ABCF3: variants seen among roughly 807,000 people sequenced by gnomAD.
ABCF3 encodes the protein ATP binding cassette subfamily F member 3, also known as ATP-binding cassette sub-family F member 3.
A neutral mutation model predicts 94.3 loss-of-function variants in ABCF3; 62 were observed. The observed-to-expected ratio is 0.66, with a 90% CI of 0.54 to 0.81. The LOEUF (loss-of-function observed/expected upper bound fraction) is 0.81. Among genes scored for constraint, ABCF3 ranks in the 40% least tolerant of loss-of-function variants. The pLI is 0.00. For missense variants in ABCF3, 843 were observed against 925.3 expected (o/e 0.91, Z 1.15); for synonymous variants, 355 against 361.1 (o/e 0.98, Z 0.19).
At position 184,189,159 on chromosome 3, in the gene ABCF3, C is replaced by T; in HGVS notation, c.1034+15C>T. 4 of 1,614,144 alleles carry T rather than the reference C, an allele frequency of 2.5e-6. No individual in the cohort carries two copies. Among genetic ancestry groups the T allele is most frequent in the Non-Finnish European group, 3.4e-6 (4 of 1,180,012 alleles). ...CTCTTTGCTAGGTGAGTCTCCTGGG[C>T]CAGTGTATGAAGCCCTATGGAAGAT... On this transcript the variant is annotated intron_variant, in intron 10 of 20. Coordinates refer to ENST00000429586, the MANE Select transcript of ABCF3 (RefSeq NM_018358.3).
intron 5 of ABCF3, 32 bp from the exon 6 acceptor site, chr3:184,187,829 G>C (rs376620065): frequency 6.2e-7 from 1 of 1,613,944 alleles, no homozygotes; most frequent in African/African-American, 1.3e-5. Flanking sequence ...GTGGTGGGGA[G>C]CACTAAGAGC....
At position 184,186,797 on chromosome 3, in the gene ABCF3, G is replaced by C; in HGVS notation, c.223G>C (p.Ala75Pro). Residue 75 changes from alanine to proline, a missense_variant and splice_region_variant, in exon 3 of 21, where the codon GCT becomes CCT. Physicochemically the swap from Ala to Pro is conservative, Grantham distance 27 (BLOSUM62 -1). Transcript: ENST00000429586. ...CQRMYNTLRLAEPQSQGNSQV... is the reference protein window; with the variant it reads ...CQRMYNTLRLPEPQSQGNSQV... ...CGCTTTCTATCCCTACCCACATAGG[G>C]CTGAGCCACAAAGCCAGGGAAATAG... 6.2e-7 allele frequency: 1 copy of C among 1,613,668 alleles called. No individual in the cohort carries two copies. The highest frequency in any genetic ancestry group is 8.5e-7 in the Non-Finnish European group (1 of 1,179,806).
chr3:184,190,022 C>T, intron 14 of ABCF3, 91 bp downstream of exon 14: 1 of 1,359,480 alleles, frequency 7.4e-7, no homozygotes, highest in Admixed American at 1.9e-5. Context: ...CATTCTAGGT[C>T]TCCCCTTCGC....
chr3:184,191,311 GT>G, intron 16 of ABCF3, 56 bp downstream of exon 16: 1 of 1,608,418 alleles, frequency 6.2e-7, no homozygotes, highest in East Asian at 2.2e-5. Flanking sequence ...TAAGTGTGTG[GT>G]GTGGATTGGC....
chr3:184,190,896 T>C (rs1283051810), intron 14 of ABCF3, 103 bp from the exon 15 acceptor site: 1 of 1,318,650 alleles, frequency 7.6e-7, no homozygotes, highest in Non-Finnish European at 1.1e-6. Context: ...ACCTGAGTGG[T>C]AGGAGTACAA....
chr3:184,188,163 G>A lies in ABCF3; in HGVS notation c.592G>A (p.Val198Met), dbSNP rs1393874974. The A allele has an allele frequency of 6.2e-7, 1 of 1,614,034 alleles. No individual in the cohort carries two copies. The highest frequency in any genetic ancestry group is 1.7e-5 in the Admixed American group (1 of 60,030). The change falls in exon 7 of 21, where the codon GTG becomes ATG. Residue 198 changes from valine (V) to methionine (M), a missense_variant. Transcript: ENST00000429586. ...CAGAGTACTGCTGGCTGGAGCGGAT[G>A]TGAACCTGGCATGGGGCCGCCGTTA... ...GDRVLLAGAD[V>M]NLAWGRRYGL...
intron 4 of ABCF3, 45 bp from the exon 5 acceptor site, chr3:184,187,619 C>T (rs1715722352): frequency 6.2e-7 from 1 of 1,609,406 alleles, no homozygotes; most frequent in Admixed American, 1.7e-5. Context: ...GGGTTCCTTT[C>T]TGAGCCTACA....
intron 3 of ABCF3, 36 bp from the exon 4 acceptor site, chr3:184,187,361 C>G (rs1229608642): frequency 2.5e-6 from 4 of 1,613,422 alleles, no homozygotes; most frequent in Non-Finnish European, 3.4e-6. Flanking sequence ...TCCCTTCCCT[C>G]AGGGAGAAGG....
In ABCF3 at chr3:184,186,825, A is replaced by G. The variant is rs1159381162; in HGVS notation, c.251A>G (p.Gln84Arg). The G allele has an allele frequency of 6.2e-7, 1 of 1,613,972 alleles. No homozygotes were observed. Among genetic ancestry groups the G allele is most frequent in the East Asian group, 2.2e-5 (1 of 44,900 alleles). The change falls in exon 3 of 21, where the codon CAG becomes CGG. Residue 84 changes from glutamine to arginine, a missense_variant. Coordinates refer to ENST00000429586, the MANE Select transcript of ABCF3 (RefSeq NM_018358.3). ...GAGCCACAAAGCCAGGGAAATAGCC[A>G]GGTGCTACTGGACGCCCCTATCCAG... ...LAEPQSQGNS[Q>R]VLLDAPIQLS...
At chr3:184,191,748 C>T (rs373419796) in intron 16 of ABCF3, among the ~76,000 whole-genome samples, 3 of 45,674 alleles carry the variant, frequency 6.6e-5, no homozygotes, top group Admixed American at 5.3e-4. Flanking sequence ...AGTTAGAGTT[C>T]CTTTTTTTTT....
intron 6 of ABCF3, 69 bp from the exon 7 acceptor site, chr3:184,188,072 G>A: frequency 2.5e-6 from 4 of 1,611,366 alleles, no homozygotes; most frequent in Non-Finnish European, 3.4e-6. Context: ...AACAATGTTA[G>A]GTTTGTCATT....
In ABCF3 at chr3:184,193,911, T is replaced by C; in HGVS notation, c.*213T>C. ...GACTGGTCTCCCGGGGGTGGGGGTCTGGGGGGTACCCTCTGGGGTTATAGA... is the reference window on the plus strand; with the variant it reads ...GACTGGTCTCCCGGGGGTGGGGGTCCGGGGGGTACCCTCTGGGGTTATAGA... On this transcript the variant is annotated 3_prime_UTR_variant, in exon 21 of 21. Transcript: ENST00000429586. This position sits in a 1 kb window ranked among gnomAD's most constrained non-coding sequence, Gnocchi z 5.2. The C allele has an allele frequency of 1.7e-6, 1 of 605,668 alleles. No individual in the cohort carries two copies. Among genetic ancestry groups the C allele is most frequent in the Non-Finnish European group, 2.8e-6 (1 of 360,852 alleles). 37.5% of individuals were successfully genotyped at this position (605,668 alleles called of 1,614,324 possible).
chr3:184,193,092 C>T lies in ABCF3; in HGVS notation c.1751-10C>T. The T allele has an allele frequency of 6.5e-7, 1 of 1,534,534 alleles. No individual in the cohort carries two copies. On this transcript the variant is annotated splice_polypyrimidine_tract_variant and intron_variant, in intron 18 of 20. Transcript: ENST00000429586. The surrounding 1 kb of genome is among the most constrained non-coding windows in gnomAD (Gnocchi z 5.2). ...CAAGAAGCCACCTGATCTGGGGAGT[C>T]CTTTTCCAGGGCGGCCTGAGGAGGA...
At chr3:184,186,366 C>T in intron 1 of ABCF3, 86 bp downstream of exon 1, 6 of 1,593,298 alleles carry the variant, frequency 3.8e-6, no homozygotes, top group Non-Finnish European at 5.2e-6. Context: ...GGGACTGTTG[C>T]CAGGCCTCTC....
At chr3:184,188,581 G>A (rs1457927317) in intron 7 of ABCF3, 174 bp downstream of exon 7, 11 of 1,061,640 alleles carry the variant, frequency 1.0e-5, no homozygotes, top group African/African-American at 1.6e-5. Context: ...GCCCTTTCTT[G>A]TTCTTTCCAC....
rs750232742 is a variant in ABCF3 at position 184,193,580 on chromosome 3, G to C, written c.2012G>C (p.Arg671Thr). The C allele has an allele frequency of 6.2e-7, 1 of 1,614,082 alleles. No individual in the cohort carries two copies. The highest frequency in any genetic ancestry group is 1.3e-5 in the African/African-American group (1 of 74,926). The stretch of plus-strand genomic sequence containing the variant: ...GTGTCCCACGATGAGCGCTTTATCA[G>C]GCTGGTGTGCCGGGAGTTGTGGGTA... ...ILVSHDERFIRLVCRELWVCE... is the reference protein window; with the variant it reads ...ILVSHDERFITLVCRELWVCE... The change falls in exon 21 of 21, where the codon AGG (arginine) becomes ACG (threonine). Residue 671 changes from arginine (R) to threonine (T), a missense_variant. Arg to Thr is a moderately conservative substitution (Grantham distance 71, BLOSUM62 -1). Coordinates refer to ENST00000429586, the MANE Select transcript of ABCF3 (RefSeq NM_018358.3). This position sits in a 1 kb window ranked among gnomAD's most constrained non-coding sequence, Gnocchi z 5.2.
At chr3:184,187,589 A>C in intron 4 of ABCF3, 75 bp from the exon 5 acceptor site, 1 of 1,574,262 alleles carries the variant, frequency 6.4e-7, no homozygotes, top group Admixed American at 1.7e-5. Context: ...AAGAGGGTTT[A>C]CTCGAGATGT....
rs755553236 is a variant in ABCF3 at position 184,188,135 on chromosome 3, C to T, written c.570-6C>T. 2.5e-6 allele frequency: 4 copies of T among 1,613,224 alleles called. No homozygotes were observed. Among genetic ancestry groups the T allele is most frequent in the Non-Finnish European group, 3.4e-6 (4 of 1,179,400 alleles). On this transcript the variant is annotated splice_region_variant and splice_polypyrimidine_tract_variant and intron_variant, in intron 6 of 20. Coordinates refer to ENST00000429586, the MANE Select transcript of ABCF3 (RefSeq NM_018358.3). Reference sequence around the variant, plus strand: ...CATCTTTGGTCTCCTTTCTCCACTCCTGCAGAGTACTGCTGGCTGGAGCGG... The same window carrying T: ...CATCTTTGGTCTCCTTTCTCCACTCTTGCAGAGTACTGCTGGCTGGAGCGG...
Position 184,188,634 on chromosome 3 carries a change from A to C in ABCF3, c.837-127A>C, listed in dbSNP as rs945492847. The C allele has an allele frequency of 4.5e-6, 5 of 1,105,804 alleles. No individual in the cohort carries two copies. In the South Asian group the frequency reaches 6.1e-5, roughly 14 times the overall value. The allele number at this position is 1,105,804 out of a possible 1,614,324, so 68.5% of individuals were successfully genotyped here. On this transcript the variant is annotated intron_variant, in intron 7 of 20. Transcript: ENST00000429586. ...TGCCCAAGGTAATGAGCACTGTGCA[A>C]ACCCTTCCTGTATTCTCTTCCTCTT...
Sources: gnomAD v4.1 joint callset for allele counts (sites outside exome capture counted in the v4.1 genomes callset) on GRCh38, gnomAD v4.1.1 for gene constraint, Gnocchi (gnomAD v3.1) non-coding constraint, MANE v1.5 for transcripts, NCBI Gene and HGNC (gene_info 2026-07-23, HGNC 2026-07-21) for gene names.